Variants in ATXN1 observed in about 807,000 individuals in gnomAD.
The protein encoded by ATXN1 is ataxin-1.
Under a neutral mutation model 56.4 loss-of-function variants are expected in ATXN1, and 8 were observed. That is an observed-to-expected ratio of 0.14 (90% CI 0.08 to 0.26). The LOEUF is 0.26. Among genes scored for constraint, ATXN1 ranks in the 10% least tolerant of loss-of-function variants. The probability of loss-of-function intolerance (pLI) is 1.00; values close to 1 mark genes in which losing one functional copy is unlikely to be tolerated. For missense variants in ATXN1, 987 were observed against 1,106.5 expected (o/e 0.89, Z 1.53); for synonymous variants, 514 against 494.6 (o/e 1.04, Z -0.52).
At chr6:16,471,571 A>T (rs963383770) in intron 6 of ATXN1, among the ~76,000 whole-genome samples, 157 of 152,290 alleles carry the variant, frequency 1.0e-3, no homozygotes, top group African/African-American at 3.6e-3. Context: ...ATAGAGTGAC[A>T]CTAGACAGCC....
intron 4 of ATXN1, among the ~76,000 whole-genome samples, chr6:16,531,754 G>A (rs1761509130): frequency 1.3e-5 from 2 of 152,050 alleles, no homozygotes; most frequent in Non-Finnish European, 2.9e-5. Context: ...ACACAGCTCT[G>A]GACACAAAAT....
intron 6 of ATXN1, among the ~76,000 whole-genome samples, chr6:16,353,669 G>T (rs1761619331): frequency 6.6e-6 from 1 of 152,042 alleles, no homozygotes. Flanking sequence ...GCAAGACCTT[G>T]TCTCAAAAAA....
chr6:16,492,558 C>CT (rs35384376), intron 5 of ATXN1, among the ~76,000 whole-genome samples: 115,897 of 147,474 alleles, frequency 0.79, 45,598 homozygotes, highest in East Asian at 0.95. Flanking sequence ...CAATACATTT[C>CT]TTTTTTTTTT....
At chr6:16,689,463 C>T (rs1240184187) in intron 2 of ATXN1, among the ~76,000 whole-genome samples, 1 of 151,454 alleles carries the variant, frequency 6.6e-6, no homozygotes, top group Non-Finnish European at 1.5e-5. Context: ...CAGGCAAGAG[C>T]CACCACACCC....
chr6:16,634,356 T>C (rs1763556565), intron 3 of ATXN1, among the ~76,000 whole-genome samples: 1 of 152,222 alleles, frequency 6.6e-6, no homozygotes, highest in African/African-American at 2.4e-5. Context: ...GGTTTTCTCA[T>C]CTGTAGGAGG....
chr6:16,378,536 ACTTT>A (rs1270005919), intron 6 of ATXN1, among the ~76,000 whole-genome samples: 4 of 137,144 alleles, frequency 2.9e-5, no homozygotes, highest in African/African-American at 5.6e-5. Context: ...CCCTCTCTTG[ACTTT>A]ATTTATTTAT....
At chr6:16,366,582 A>G (rs980191782) in intron 6 of ATXN1, among the ~76,000 whole-genome samples, 1 of 152,084 alleles carries the variant, frequency 6.6e-6, no homozygotes, top group Non-Finnish European at 1.5e-5. Context: ...GGTGTTGGAG[A>G]CCAGACTAGC....
intron 3 of ATXN1, among the ~76,000 whole-genome samples, chr6:16,602,472 G>A (rs1218089916): frequency 7.1e-6 from 1 of 141,446 alleles, no homozygotes; most frequent in Admixed American, 7.1e-5. Flanking sequence ...TTTTTTTTTA[G>A]ATGGAGTCTC....
chr6:16,748,009 C>T (rs1760590611), intron 2 of ATXN1, among the ~76,000 whole-genome samples: 1 of 152,194 alleles, frequency 6.6e-6, no homozygotes, highest in Admixed American at 6.5e-5. Flanking sequence ...TGAGCAATGA[C>T]CCAGTGAAGT....
intron 6 of ATXN1, among the ~76,000 whole-genome samples, chr6:16,445,769 C>A (rs1046467682): frequency 6.9e-6 from 1 of 145,956 alleles, no homozygotes; most frequent in Non-Finnish European, 1.5e-5. Flanking sequence ...TGAGAACATG[C>A]GGTGTTTGGT....
chr6:16,735,072 T>C (rs1322741715), intron 2 of ATXN1, among the ~76,000 whole-genome samples: 4 of 152,318 alleles, frequency 2.6e-5, no homozygotes, highest in African/African-American at 9.6e-5. Context: ...ACACAGGTGG[T>C]AGGCAATAGA....
intron 3 of ATXN1, among the ~76,000 whole-genome samples, chr6:16,595,891 G>A (rs1233591498): frequency 6.6e-6 from 1 of 152,174 alleles, no homozygotes. Context: ...AATCACAGTG[G>A]TGGTGCCTTC....
At chr6:16,428,118 CTT>C (rs10650162) in intron 6 of ATXN1, among the ~76,000 whole-genome samples, 1 of 133,510 alleles carries the variant, frequency 7.5e-6, no homozygotes, top group Non-Finnish European at 1.6e-5. Flanking sequence ...TAGACCAGGC[CTT>C]TTTTTTTTTT....
At chr6:16,566,492 C>T (rs1762219690) in intron 4 of ATXN1, among the ~76,000 whole-genome samples, 1 of 152,090 alleles carries the variant, frequency 6.6e-6, no homozygotes, top group African/African-American at 2.4e-5. Flanking sequence ...CCTCCCGCCT[C>T]AGCCTCCAGA....
At chr6:16,548,636 A>G (rs921196802) in intron 4 of ATXN1, among the ~76,000 whole-genome samples, 2 of 152,054 alleles carry the variant, frequency 1.3e-5, no homozygotes, top group Non-Finnish European at 2.9e-5. Context: ...TTTTAAAACA[A>G]TACTAAGGCA....
chr6:16,405,530 C>A (rs903177006), intron 6 of ATXN1, among the ~76,000 whole-genome samples: 7 of 152,170 alleles, frequency 4.6e-5, no homozygotes, highest in Non-Finnish European at 1.0e-4. Context: ...AAAGAGAAAA[C>A]ACATTGGTGA....
At chr6:16,360,044 C>T (rs994607365) in intron 6 of ATXN1, among the ~76,000 whole-genome samples, 3 of 151,892 alleles carry the variant, frequency 2.0e-5, no homozygotes, top group Admixed American at 6.6e-5. Context: ...CCAAACACCA[C>T]CTGTTCCCCC....
At chr6:16,751,427 G>A (rs1760715148) in intron 2 of ATXN1, among the ~76,000 whole-genome samples, 1 of 152,214 alleles carries the variant, frequency 6.6e-6, no homozygotes, top group Non-Finnish European at 1.5e-5. Flanking sequence ...TATCGTGTCT[G>A]TGATGACTCT....
chr6:16,435,253 G>A (rs918942237), intron 6 of ATXN1, among the ~76,000 whole-genome samples: 2 of 152,122 alleles, frequency 1.3e-5, no homozygotes, highest in Non-Finnish European at 2.9e-5. Flanking sequence ...GGTAGCTGGA[G>A]ACACAGGCCC....
Sources: allele counts gnomAD v4.1 joint callset (sites outside exome capture counted in the v4.1 genomes callset), GRCh38; gene constraint gnomAD v4.1.1; transcripts MANE v1.5; gene names NCBI Gene and HGNC (gene_info 2026-07-23, HGNC 2026-07-21).